The following HEXB variants were observed in gnomAD, a reference collection of about 807,000 sequenced individuals.
HEXB encodes hexosaminidase subunit beta.
In HEXB, 51 loss-of-function variants were observed where a neutral mutation model predicts 71.2. The observed-to-expected ratio is 0.72, with a 90% confidence interval of 0.57 to 0.90. The LOEUF (loss-of-function observed/expected upper bound fraction) is 0.90, where lower values mean the gene tolerates loss of function less well. Among genes scored for constraint, HEXB ranks in the 40% least tolerant of loss-of-function variants. The pLI is 0.00. For synonymous variants in HEXB, 266 were observed against 249.3 expected, an observed-to-expected ratio of 1.07 and a Z score of -0.63; for missense variants, 617 against 677.0, an observed-to-expected ratio of 0.91 and a Z score of 0.98.
At chr5:74,672,132 T>C (rs1249506410) in intron 1 of HEXB, among the ~76,000 whole-genome samples, 1 of 152,044 alleles carries the variant, frequency 6.6e-6, no homozygotes, top group Non-Finnish European at 1.5e-5. Flanking sequence ...CCCTGACCCC[T>C]CTCTAGCGTC....
intron 1 of HEXB, among the ~76,000 whole-genome samples, chr5:74,676,861 T>C (rs188158344): frequency 2.0e-5 from 3 of 152,270 alleles, no homozygotes; most frequent in Middle Eastern, 6.8e-3. Context: ...TGATTGGCTA[T>C]ACATTGTTCT....
At chr5:74,678,988 GA>G (rs1318445350) in intron 1 of HEXB, among the ~76,000 whole-genome samples, 2 of 152,202 alleles carry the variant, frequency 1.3e-5, no homozygotes, top group African/African-American at 4.8e-5. Flanking sequence ...TAATAATGTG[GA>G]ATGAGGTTGT....
rs77943783 is a variant in HEXB at position 74,705,540 on chromosome 5, A to G, written c.771+220A>G. 6.2e-3 allele frequency: 3,286 copies of G among 528,404 alleles called. 75 individuals carry two copies. The highest frequency in any genetic ancestry group is 0.06 in the East Asian group (1,788 of 29,936). 32.7% of individuals were successfully genotyped at this position (528,404 alleles called of 1,614,324 possible). On this transcript the variant is annotated intron_variant, in intron 6 of 13. Transcript: ENST00000261416. The stretch of plus-strand genomic sequence containing the variant: ...GTAATTGTTACTGTGAATATAAACA[A>G]TCTTGGGGAAGTGTAAATCGAAATT...
intron 5 of HEXB, among the ~76,000 whole-genome samples, chr5:74,697,727 CAAAAAAAA>C (rs34363294): frequency 9.1e-6 from 1 of 110,452 alleles, no homozygotes; most frequent in African/African-American, 3.5e-5. Context: ...GACTCTGTCT[CAAAAAAAA>C]AAAAAAAAAA....
intron 1 of HEXB, among the ~76,000 whole-genome samples, chr5:74,644,764 C>CTTTTTTTTTTCTT (rs1747970553): frequency 2.7e-5 from 2 of 72,940 alleles, no homozygotes; most frequent in Non-Finnish European, 4.7e-5. Context: ...CTTTTTTTTC[C>CTTTTTTTTTTCTT]TTTTTTTTTT....
At position 74,685,521 on chromosome 5, in the gene HEXB, G is replaced by A. The variant is rs1200638175; in HGVS notation, c.261G>A (p.Ala87=). The A allele has an allele frequency of 3.1e-6, 5 of 1,604,030 alleles. No homozygotes were observed. In the East Asian group the frequency reaches 1.1e-4, roughly 36 times the overall value. The change falls in exon 1 of 14, where the codon GCG becomes GCA. Residue 87 remains alanine, a synonymous_variant. Transcript: ENST00000261416. ...TCAGCCACAGCCCCAATTCCACGGC[G>A]GGCCCCTCCTGCACCCTGCTGGAGG... ...FYISHSPNST[A]GPSCTLLEEA...
intron 6 of HEXB, among the ~76,000 whole-genome samples, chr5:74,709,030 A>G (rs911913506): frequency 6.6e-6 from 1 of 151,486 alleles, no homozygotes; most frequent in African/African-American, 2.4e-5. Flanking sequence ...AAAATTGACC[A>G]CATAGTTGGA....
At chr5:74,645,217 G>A (rs1401224023) in intron 1 of HEXB, among the ~76,000 whole-genome samples, 1 of 152,020 alleles carries the variant, frequency 6.6e-6, no homozygotes, top group Non-Finnish European at 1.5e-5. Flanking sequence ...TTTTAGAGGT[G>A]AGCCCGTGCT....
At chr5:74,690,470 TG>T (rs1748973406) in intron 2 of HEXB, among the ~76,000 whole-genome samples, 1 of 141,576 alleles carries the variant, frequency 7.1e-6, no homozygotes, top group South Asian at 2.4e-4. Flanking sequence ...GCCAATATGC[TG>T]AAACTGCATC....
chr5:74,653,452 G>T (rs1748160818), intron 1 of HEXB, among the ~76,000 whole-genome samples: 1 of 152,180 alleles, frequency 6.6e-6, no homozygotes, highest in African/African-American at 2.4e-5. Context: ...ACAGAAGCCA[G>T]CAAAGCATAT....
intron 6 of HEXB, among the ~76,000 whole-genome samples, chr5:74,711,907 T>G (rs559595687): frequency 2.0e-5 from 3 of 150,518 alleles, no homozygotes; most frequent in East Asian, 3.9e-4. Flanking sequence ...GAAATACCAT[T>G]TGACCCAGCC....
chr5:74,705,355 C>A, intron 6 of HEXB, 35 bp downstream of exon 6: 1 of 1,098,248 alleles, frequency 9.1e-7, no homozygotes, highest in Non-Finnish European at 1.4e-6. Flanking sequence ...TCTACAAAAA[C>A]ATTGGGTATA....
At chr5:74,678,298 CATAA>C (rs78230461) in intron 1 of HEXB, among the ~76,000 whole-genome samples, 61,137 of 144,910 alleles carry the variant, frequency 0.42, 13,939 homozygotes, top group Non-Finnish European at 0.52. Flanking sequence ...AACTCCATCT[CATAA>C]ATAAATAAAT....
rs121907986 is a variant in HEXB, at chr5:74,713,584, C to T, written c.850C>T (p.Arg284Ter). ...VIEYARLRGI[R>*]VLPEFDTPGH... is the part of the protein sequence containing the mutation. Reference sequence around the variant, plus strand: ...TGAATATGCCAGATTACGAGGAATTCGAGTCCTGCCAGAATTTGATACCCC... The same window carrying T: ...TGAATATGCCAGATTACGAGGAATTTGAGTCCTGCCAGAATTTGATACCCC... Residue 284 changes from arginine to a stop codon, truncating the protein, a stop_gained, in exon 7 of 14, where the codon CGA becomes TGA. Transcript: ENST00000261416. LOFTEE classifies it high-confidence loss of function. The T allele has an allele frequency of 3.7e-5, 60 of 1,613,086 alleles. No homozygotes were observed. The highest frequency in any genetic ancestry group is 2.1e-4 in the South Asian group (19 of 91,058).
At chr5:74,666,443 G>A (rs1020795130) in intron 1 of HEXB, among the ~76,000 whole-genome samples, 3 of 152,216 alleles carry the variant, frequency 2.0e-5, no homozygotes, top group Non-Finnish European at 4.4e-5. Flanking sequence ...CTGATTGGAG[G>A]CCTGGTTGTC....
At chr5:74,684,300 T>C (rs182447667), upstream of HEXB, among the ~76,000 whole-genome samples, 1 of 152,314 alleles carries the variant, frequency 6.6e-6, no homozygotes, top group African/African-American at 2.4e-5. Flanking sequence ...GGCTCTTCCT[T>C]AGGGATGGGT....
At chr5:74,640,677 T>TCCGCAGCGCCACCG (rs1334984889) in intron 1 of HEXB, 1 of 152,248 alleles carries the variant, frequency 6.6e-6, no homozygotes, top group Non-Finnish European at 1.5e-5. Flanking sequence ...GGACCGGGTC[T>TCCGCAGCGCCACCG]CCGCAGCGCC....
At chr5:74,671,227 T>A (rs1252470196) in intron 1 of HEXB, among the ~76,000 whole-genome samples, 3 of 152,180 alleles carry the variant, frequency 2.0e-5, no homozygotes. Flanking sequence ...ATTAATCTTA[T>A]GTATTCATCA....
intron 3 of HEXB, among the ~76,000 whole-genome samples, chr5:74,695,839 TAAA>T (rs34022383): frequency 7.5e-6 from 1 of 132,926 alleles, no homozygotes. Flanking sequence ...AGACTCCGTC[TAAA>T]AAAAAAAAAA....
Sources: gnomAD v4.1 joint callset for allele counts (sites outside exome capture counted in the v4.1 genomes callset) on GRCh38, gnomAD v4.1.1 for gene constraint, MANE v1.5 for transcripts, NCBI Gene and HGNC (gene_info 2026-07-23, HGNC 2026-07-21) for gene names.